CDK7: variants seen among roughly 807,000 people sequenced by gnomAD.
The protein encoded by CDK7 is cyclin-dependent kinase 7.
A neutral mutation model predicts 49.1 loss-of-function variants in CDK7; 25 were observed. The observed-to-expected ratio is 0.51, with a 90% confidence interval of 0.37 to 0.71. CDK7 has a LOEUF of 0.71. Among genes scored for constraint, CDK7 ranks in the 30% least tolerant of loss-of-function variants. The pLI is 0.00. For synonymous variants in CDK7, 107 were observed against 140.0 expected (o/e 0.76, Z 1.67); for missense variants, 316 against 411.7 (o/e 0.77, Z 2.01).
intron 9 of CDK7, among the ~76,000 whole-genome samples, chr5:69,271,314 G>A (rs1055697908): frequency 1.3e-5 from 2 of 151,992 alleles, no homozygotes; most frequent in Non-Finnish European, 2.9e-5. Context: ...TGACTGTTGA[G>A]TATTGAGAGC....
At chr5:69,244,111 C>T (rs1193407189) in intron 2 of CDK7, among the ~76,000 whole-genome samples, 1 of 152,108 alleles carries the variant, frequency 6.6e-6, no homozygotes, top group Non-Finnish European at 1.5e-5. Context: ...GGATTACAGG[C>T]GTGAGCCACC....
intron 7 of CDK7, among the ~76,000 whole-genome samples, chr5:69,262,002 A>G (rs980829708): frequency 1.2e-4 from 18 of 152,192 alleles, no homozygotes; most frequent in African/African-American, 3.9e-4. Flanking sequence ...AGTCTAGTAG[A>G]AAACAAAAGA....
intron 2 of CDK7, among the ~76,000 whole-genome samples, chr5:69,248,819 T>TG (rs1749937303): frequency 6.8e-6 from 1 of 147,550 alleles, no homozygotes; most frequent in East Asian, 2.0e-4. Context: ...TTTTTTTTTT[T>TG]GGAGACGGAG....
chr5:69,266,110 G>C (rs1324051285), intron 8 of CDK7, among the ~76,000 whole-genome samples: 1 of 152,076 alleles, frequency 6.6e-6, no homozygotes. Context: ...AGGCGCTGCC[G>C]CACTCTCCAC....
chr5:69,258,833 T>C (rs1297063657), intron 6 of CDK7, among the ~76,000 whole-genome samples: 4 of 152,172 alleles, frequency 2.6e-5, no homozygotes, highest in Non-Finnish European at 5.9e-5. Context: ...GCCAGCACTT[T>C]GGGAGGCTGA....
At chr5:69,276,069 G>A (rs1016225931) in intron 10 of CDK7, among the ~76,000 whole-genome samples, 7 of 151,918 alleles carry the variant, frequency 4.6e-5, no homozygotes, top group Non-Finnish European at 7.4e-5. Context: ...TTGCTCTGTC[G>A]CCCAGGCTGG....
intron 2 of CDK7, among the ~76,000 whole-genome samples, chr5:69,236,372 G>C (rs1398861857): frequency 6.6e-6 from 1 of 152,090 alleles, no homozygotes; most frequent in Non-Finnish European, 1.5e-5. Flanking sequence ...ACCTGAGACT[G>C]AGTGACTAGG....
intron 2 of CDK7, among the ~76,000 whole-genome samples, chr5:69,243,781 A>AT (rs150222910): frequency 0.45 from 62,929 of 139,448 alleles, 13,803 homozygotes; most frequent in Middle Eastern, 0.52. Context: ...TTATCTTTCC[A>AT]TTTTTTTGGT....
chr5:69,236,977 T>TTTA (rs1749034503), intron 2 of CDK7, among the ~76,000 whole-genome samples: 1 of 147,200 alleles, frequency 6.8e-6, no homozygotes, highest in Non-Finnish European at 1.5e-5. Context: ...TTTTTTTTTT[T>TTTA]TTAACTTTTT....
intron 9 of CDK7, among the ~76,000 whole-genome samples, chr5:69,270,990 C>CA (rs886257806): frequency 1.3e-5 from 2 of 152,066 alleles, no homozygotes; most frequent in Non-Finnish European, 2.9e-5. Flanking sequence ...GATAAATGCC[C>CA]AGGAGTTCAG....
chr5:69,234,798 A>C (rs115943770), upstream of CDK7: 423 of 626,712 alleles, frequency 6.7e-4, 1 homozygote, highest in African/African-American at 7.2e-3. Context: ...CGGGTGGGGA[A>C]CGCCAACCGC....
At chr5:69,255,716 G>T in intron 5 of CDK7, 188 bp downstream of exon 5, 1 of 609,166 alleles carries the variant, frequency 1.6e-6, no homozygotes. Flanking sequence ...GATATCCCCA[G>T]TGTTACATAC....
chr5:69,250,931 T>G (rs1160808877), intron 2 of CDK7: 4 of 452,818 alleles, frequency 8.8e-6, no homozygotes, highest in African/African-American at 4.0e-5. Flanking sequence ...ATTCTGTGGG[T>G]TTTTTTGTTT....
chr5:69,243,136 G>A (rs903829252), intron 2 of CDK7, among the ~76,000 whole-genome samples: 2 of 152,208 alleles, frequency 1.3e-5, no homozygotes, highest in African/African-American at 4.8e-5. Flanking sequence ...TGCCTTTTTG[G>A]CATGTTGATT....
At chr5:69,275,606 T>C (rs1016289293) in intron 10 of CDK7, among the ~76,000 whole-genome samples, 1 of 152,232 alleles carries the variant, frequency 6.6e-6, no homozygotes, top group African/African-American at 2.4e-5. Flanking sequence ...TGGAAAATTC[T>C]ACACATAAGG....
At position 69,259,811 on chromosome 5, in the gene CDK7, C is replaced by T. The variant is rs927543994; in HGVS notation, c.409-7C>T. On this transcript the variant is annotated splice_region_variant and splice_polypyrimidine_tract_variant and intron_variant, in intron 6 of 11. Transcript: ENST00000256443. ...TTATTTGTTTGTTTAAAACTTCCGT[C>T]ATATAGGATCTGAAACCAAACAACT... 3.1e-6 allele frequency: 5 copies of T among 1,593,380 alleles called. No homozygotes were observed. Among genetic ancestry groups the T allele is most frequent in the Non-Finnish European group, 4.3e-6 (5 of 1,161,294 alleles).
At chr5:69,258,303 G>C in intron 6 of CDK7, 150 bp downstream of exon 6, 1 of 493,430 alleles carries the variant, frequency 2.0e-6, no homozygotes, top group Non-Finnish European at 3.5e-6. Context: ...CCCTTCACTT[G>C]TTCCAGCAGT....
rs151338556 is a variant in CDK7 at position 69,264,013 on chromosome 5, A to G, written c.627+1709A>G. 3.1e-3 allele frequency among the ~76,000 whole-genome samples: 468 copies of G among 152,322 alleles called. 2 individuals are homozygous for G. Among genetic ancestry groups the G allele is most frequent in the Non-Finnish European group, 5.2e-3 (351 of 68,036 alleles). ...CTATTTTAAGCTGTTCTTGTGCTCAATTGAAAAGGTAGAAATGTTGCCCAT... is the reference window on the plus strand; with the variant it reads ...CTATTTTAAGCTGTTCTTGTGCTCAGTTGAAAAGGTAGAAATGTTGCCCAT... On this transcript the variant is annotated intron_variant, in intron 8 of 11. Transcript: ENST00000256443.
At chr5:69,258,554 G>A (rs950805678) in intron 6 of CDK7, among the ~76,000 whole-genome samples, 5 of 151,712 alleles carry the variant, frequency 3.3e-5, no homozygotes, top group Non-Finnish European at 7.4e-5. Context: ...CTAATTTTTT[G>A]TATTTTTTTA....
Sources: gnomAD v4.1 joint callset for allele counts (sites outside exome capture counted in the v4.1 genomes callset) on GRCh38, gnomAD v4.1.1 for gene constraint, MANE v1.5 for transcripts, NCBI Gene and HGNC (gene_info 2026-07-23, HGNC 2026-07-21) for gene names.